Variants in GPC5 observed in about 807,000 individuals in gnomAD.
GPC5 encodes the protein glypican-5.
In GPC5, 47 loss-of-function variants were observed where a neutral mutation model predicts 53.9. The observed-to-expected ratio is 0.87, with a 90% CI of 0.69 to 1.11. The LOEUF is 1.11. GPC5 is among the 50% of genes most tolerant of loss of function. The pLI is 0.00. For missense variants in GPC5, 748 were observed against 713.1 expected (o/e 1.05, Z -0.56); for synonymous variants, 286 against 263.3 (o/e 1.09, Z -0.84).
At chr13:92,099,212 C>G (rs768460672) in intron 6 of GPC5, among the ~76,000 whole-genome samples, 15 of 152,034 alleles carry the variant, frequency 9.9e-5, no homozygotes, top group Non-Finnish European at 1.9e-4. Context: ...TCCATCTTGC[C>G]TCTCAAAATA....
At chr13:92,753,356 T>C (rs1874680095) in intron 7 of GPC5, among the ~76,000 whole-genome samples, 1 of 151,888 alleles carries the variant, frequency 6.6e-6, no homozygotes, top group Non-Finnish European at 1.5e-5. Flanking sequence ...AGACCAAAAG[T>C]AGATAAAACC....
intron 7 of GPC5, among the ~76,000 whole-genome samples, chr13:92,385,445 CAT>C (rs879904001): frequency 4.8e-5 from 4 of 83,294 alleles, no homozygotes; most frequent in Non-Finnish European, 5.1e-5. Flanking sequence ...TACATATATA[CAT>C]ATATACATAT....
intron 5 of GPC5, among the ~76,000 whole-genome samples, chr13:91,775,573 A>C (rs1329056998): frequency 2.0e-5 from 3 of 152,190 alleles, no homozygotes; most frequent in Non-Finnish European, 4.4e-5. Context: ...CCAGGCATAC[A>C]AAATGCCCTT....
intron 6 of GPC5, among the ~76,000 whole-genome samples, chr13:91,918,838 G>A (rs888156486): frequency 6.6e-6 from 1 of 151,942 alleles, no homozygotes; most frequent in African/African-American, 2.4e-5. Flanking sequence ...TAAATGCTAT[G>A]TTTTTTCTGG....
intron 7 of GPC5, among the ~76,000 whole-genome samples, chr13:92,745,153 T>C (rs957076698): frequency 3.9e-5 from 6 of 152,262 alleles, no homozygotes; most frequent in African/African-American, 1.4e-4. Flanking sequence ...ATTTTGGTTA[T>C]ATACATGGGA....
At chr13:92,567,259 C>T (rs1400582242) in intron 7 of GPC5, among the ~76,000 whole-genome samples, 1 of 152,058 alleles carries the variant, frequency 6.6e-6, no homozygotes, top group Non-Finnish European at 1.5e-5. Flanking sequence ...GCACAGAAAA[C>T]CCATCATCTT....
At chr13:92,115,936 T>C (rs897645492) in intron 6 of GPC5, among the ~76,000 whole-genome samples, 5 of 152,016 alleles carry the variant, frequency 3.3e-5, no homozygotes, top group Non-Finnish European at 7.4e-5. Context: ...GCCCTAATCC[T>C]ATATGTCTTG....
intron 6 of GPC5, among the ~76,000 whole-genome samples, chr13:92,074,973 G>A (rs2041241083): frequency 6.6e-6 from 1 of 152,024 alleles, no homozygotes; most frequent in Non-Finnish European, 1.5e-5. Flanking sequence ...TTTTTGCTTT[G>A]TATTGTATTG....
chr13:92,464,018 C>A (rs915827785), intron 7 of GPC5, among the ~76,000 whole-genome samples: 7 of 152,112 alleles, frequency 4.6e-5, no homozygotes, highest in Non-Finnish European at 1.0e-4. Flanking sequence ...GCACTAAGTG[C>A]TGTGTATATA....
chr13:91,916,528 A>G (rs944244595), intron 6 of GPC5, among the ~76,000 whole-genome samples: 1 of 152,240 alleles, frequency 6.6e-6, no homozygotes, highest in Non-Finnish European at 1.5e-5. Context: ...AGCTGAAAGA[A>G]GCCACTCCCA....
At chr13:91,997,756 A>G (rs1440841545) in intron 6 of GPC5, among the ~76,000 whole-genome samples, 2 of 152,090 alleles carry the variant, frequency 1.3e-5, no homozygotes, top group African/African-American at 4.8e-5. Flanking sequence ...CTGACCTCAA[A>G]TGATCTGCCC....
At chr13:92,124,653 T>A (rs1335510927) in intron 6 of GPC5, among the ~76,000 whole-genome samples, 2 of 152,066 alleles carry the variant, frequency 1.3e-5, no homozygotes, top group African/African-American at 2.4e-5. Context: ...ACAGAGAGCA[T>A]CTCTACTGCA....
chr13:91,956,833 G>A (rs2040078133), intron 6 of GPC5, among the ~76,000 whole-genome samples: 1 of 152,124 alleles, frequency 6.6e-6, no homozygotes, highest in East Asian at 1.9e-4. Context: ...GTCCTTCCCT[G>A]TGAAAGCAAA....
intron 4 of GPC5, 44 bp downstream of exon 4, chr13:91,728,709 C>G (rs765140063): frequency 4.8e-5 from 76 of 1,578,800 alleles, no homozygotes; most frequent in Middle Eastern, 1.7e-4. Context: ...AGAAAGTAAG[C>G]CATTAATTTT....
chr13:91,522,487 A>C (rs891589664), intron 2 of GPC5, among the ~76,000 whole-genome samples: 4 of 151,974 alleles, frequency 2.6e-5, no homozygotes, highest in African/African-American at 9.7e-5. Context: ...TTTTTCTTTT[A>C]TTTTTATTTT....
At chr13:92,838,424 A>G (rs1357281838) in intron 7 of GPC5, among the ~76,000 whole-genome samples, 1 of 148,970 alleles carries the variant, frequency 6.7e-6, no homozygotes, top group Non-Finnish European at 1.5e-5. Flanking sequence ...CGGAGCGTGC[A>G]GTGAGTCGAG....
At chr13:92,805,663 C>T (rs1231238979) in intron 7 of GPC5, among the ~76,000 whole-genome samples, 2 of 151,876 alleles carry the variant, frequency 1.3e-5, no homozygotes, top group African/African-American at 2.4e-5. Flanking sequence ...CTCTCAAACT[C>T]CTGGGTTCAA....
chr13:91,635,134 C>T (rs1004373714), intron 2 of GPC5, among the ~76,000 whole-genome samples: 1 of 151,996 alleles, frequency 6.6e-6, no homozygotes, highest in African/African-American at 2.4e-5. Flanking sequence ...AAGTGGAGAA[C>T]CCAGACTAGG....
At chr13:92,474,666 G>C (rs1021380538) in intron 7 of GPC5, among the ~76,000 whole-genome samples, 1 of 151,226 alleles carries the variant, frequency 6.6e-6, no homozygotes, top group African/African-American at 2.4e-5. Context: ...GTGGAAATTA[G>C]AAATACATAT....
Sources: allele counts gnomAD v4.1 joint callset (sites outside exome capture counted in the v4.1 genomes callset), GRCh38; gene constraint gnomAD v4.1.1; transcripts MANE v1.5; gene names NCBI Gene and HGNC (gene_info 2026-07-23, HGNC 2026-07-21).